The following POT1 variants were observed in gnomAD, a reference collection of about 807,000 sequenced individuals.
POT1 encodes the protein protection of telomeres protein 1.
POT1 carries 47 observed loss-of-function variants against 78.5 expected under a neutral mutation model. That is an observed-to-expected ratio of 0.60 (90% CI 0.47 to 0.76). The LOEUF is 0.76. Among genes scored for constraint, POT1 ranks in the 30% least tolerant of loss-of-function variants. The probability of loss-of-function intolerance (pLI) is 0.00; values close to 1 mark genes in which losing one functional copy is unlikely to be tolerated. For synonymous variants in POT1, 259 were observed against 260.7 expected (o/e 0.99, Z 0.06); for missense variants, 646 against 749.9 (o/e 0.86, Z 1.62).
At chr7:124,903,905 C>A (rs1356883043) in intron 3 of POT1, among the ~76,000 whole-genome samples, 5 of 152,172 alleles carry the variant, frequency 3.3e-5, no homozygotes, top group Admixed American at 2.0e-4. Flanking sequence ...CGCAAATAAA[C>A]TAGAAACTCT....
At chr7:124,862,326 C>T (rs1795617758) in intron 8 of POT1, among the ~76,000 whole-genome samples, 1 of 152,124 alleles carries the variant, frequency 6.6e-6, no homozygotes, top group African/African-American at 2.4e-5. Flanking sequence ...TAGTAGAGTC[C>T]TTGTCATAGG....
chr7:124,853,241 C>T, intron 9 of POT1, 103 bp from the exon 10 acceptor site: 2 of 840,926 alleles, frequency 2.4e-6, no homozygotes, highest in Non-Finnish European at 3.6e-6. Context: ...GGGCACTGAC[C>T]AGTCAGGAAA....
At chr7:124,864,022 G>A (rs182268273) in intron 7 of POT1, among the ~76,000 whole-genome samples, 2 of 152,056 alleles carry the variant, frequency 1.3e-5, no homozygotes, top group East Asian at 3.9e-4. Context: ...GAAAAGACCA[G>A]AACACTTGAA....
chr7:124,858,550 G>A (rs1180964560), intron 9 of POT1, among the ~76,000 whole-genome samples: 1 of 151,692 alleles, frequency 6.6e-6, no homozygotes, highest in Non-Finnish European at 1.5e-5. Flanking sequence ...ATAACAAATT[G>A]TAATTTAACA....
At chr7:124,903,990 C>T (rs1018678986) in intron 3 of POT1, among the ~76,000 whole-genome samples, 1 of 152,104 alleles carries the variant, frequency 6.6e-6, no homozygotes, top group Non-Finnish European at 1.5e-5. Flanking sequence ...CCTGAATAGA[C>T]CAATAACAGG....
chr7:124,885,293 C>CAAAAAAA (rs11372618), intron 6 of POT1, among the ~76,000 whole-genome samples: 1 of 63,236 alleles, frequency 1.6e-5, no homozygotes. Context: ...TCCATCTCTC[C>CAAAAAAA]AAAAAAAAAA....
chr7:124,838,695 T>C (rs1794953948), intron 14 of POT1, among the ~76,000 whole-genome samples: 1 of 151,686 alleles, frequency 6.6e-6, no homozygotes, highest in Admixed American at 6.6e-5. Context: ...AACCTCCGCC[T>C]CCCGGGTTCA....
chr7:124,892,184 G>C (rs1796388041), intron 6 of POT1, 82 bp downstream of exon 6: 1 of 810,324 alleles, frequency 1.2e-6, no homozygotes, highest in South Asian at 1.8e-5. Flanking sequence ...TCTATTCTAG[G>C]ACTTAGGGTA....
chr7:124,892,154 T>C (rs1355112507), intron 6 of POT1, 112 bp downstream of exon 6: 2 of 622,906 alleles, frequency 3.2e-6, no homozygotes, highest in East Asian at 6.1e-5. Context: ...TGTTTGGCAA[T>C]TATAGGTCAG....
At chr7:124,928,427 G>C (rs900611281) in intron 2 of POT1, among the ~76,000 whole-genome samples, 1 of 152,268 alleles carries the variant, frequency 6.6e-6, no homozygotes, top group East Asian at 1.9e-4. Flanking sequence ...CTGTTATCCC[G>C]TAAGTTCCAG....
chr7:124,860,821 T>C (rs1378765253), intron 8 of POT1, among the ~76,000 whole-genome samples: 1 of 152,076 alleles, frequency 6.6e-6, no homozygotes, highest in Non-Finnish European at 1.5e-5. Flanking sequence ...TGTGTTCTCA[T>C]TGTTCAACTC....
intron 8 of POT1, among the ~76,000 whole-genome samples, chr7:124,862,621 T>A (rs1044326881): frequency 1.3e-5 from 2 of 152,186 alleles, no homozygotes; most frequent in Non-Finnish European, 2.9e-5. Flanking sequence ...TAAATCATAA[T>A]AATGCTAAAC....
intron 12 of POT1, among the ~76,000 whole-genome samples, chr7:124,844,094 C>A (rs1192634882): frequency 6.7e-6 from 1 of 149,156 alleles, no homozygotes; most frequent in Non-Finnish European, 1.5e-5. Flanking sequence ...ACATTTATTA[C>A]AGTGGAACAT....
intron 6 of POT1, among the ~76,000 whole-genome samples, chr7:124,881,225 A>G (rs1220324186): frequency 6.6e-6 from 1 of 151,910 alleles, no homozygotes. Flanking sequence ...TCCCAGCATC[A>G]TTACTACACA....
chr7:124,845,176 A>G (rs1419061091), intron 12 of POT1, among the ~76,000 whole-genome samples: 1 of 152,146 alleles, frequency 6.6e-6, no homozygotes, highest in East Asian at 1.9e-4. Context: ...ACATTACTCA[A>G]ATTTCTACAA....
chr7:124,834,480 A>C (rs1247041281), intron 15 of POT1, among the ~76,000 whole-genome samples: 3 of 152,152 alleles, frequency 2.0e-5, no homozygotes, highest in Non-Finnish European at 4.4e-5. Flanking sequence ...ACAGCCAACA[A>C]ACATATGAAA....
chr7:124,869,650 T>C lies in POT1; in HGVS notation c.255+1261A>G, dbSNP rs1795819676. 2.0e-5 allele frequency among the ~76,000 whole-genome samples: 3 copies of C among 152,318 alleles called. No homozygotes were observed. The South Asian group carries it at 6.2e-4, about 32-fold the overall frequency. Reference sequence around the variant, plus strand: ...CAGACTGGAGTGCAGTAGCACAATCTTGGCTCACCACAACCTCCGCCCTCC... The same window carrying C: ...CAGACTGGAGTGCAGTAGCACAATCCTGGCTCACCACAACCTCCGCCCTCC... On this transcript the variant is annotated intron_variant, in intron 7 of 18. Coordinates refer to ENST00000357628, the MANE Select transcript of POT1 (RefSeq NM_015450.3).
chr7:124,903,707 A>C (rs563407714), intron 3 of POT1, among the ~76,000 whole-genome samples: 28 of 152,346 alleles, frequency 1.8e-4, no homozygotes, highest in African/African-American at 6.7e-4. Flanking sequence ...AGACACAAAA[A>C]ACCCTTCAAA....
intron 2 of POT1, among the ~76,000 whole-genome samples, chr7:124,924,193 G>A (rs1484812411): frequency 7.0e-6 from 1 of 143,218 alleles, no homozygotes; most frequent in Non-Finnish European, 1.5e-5. Flanking sequence ...TGAAAAAAAA[G>A]TTGGTTATTT....
Sources: gnomAD v4.1 joint callset for allele counts (sites outside exome capture counted in the v4.1 genomes callset) on GRCh38, gnomAD v4.1.1 for gene constraint, MANE v1.5 for transcripts, NCBI Gene and HGNC (gene_info 2026-07-23, HGNC 2026-07-21) for gene names.